Variants in FBXO38 observed in about 807,000 individuals in gnomAD.
The protein encoded by FBXO38 is F-box protein 38.
In FBXO38, 53 loss-of-function variants were observed where a neutral mutation model predicts 131.9. The observed-to-expected ratio is 0.40, with a 90% CI of 0.32 to 0.51. FBXO38 has a LOEUF of 0.51. Ranked by LOEUF, FBXO38 falls within the 20% of genes least tolerant of loss-of-function variation. The pLI is 0.53. For synonymous variants in FBXO38, 452 were observed against 505.6 expected, an observed-to-expected ratio of 0.89 and a Z score of 1.42; for missense variants, 1,076 against 1,475.6, an observed-to-expected ratio of 0.73 and a Z score of 4.44.
intron 12 of FBXO38, among the ~76,000 whole-genome samples, chr5:148,418,295 T>C (rs1213117534): frequency 6.6e-6 from 1 of 152,230 alleles, no homozygotes; most frequent in Non-Finnish European, 1.5e-5. Flanking sequence ...CCTTTGCTTG[T>C]AGCACCTCCT....
In FBXO38 at chr5:148,401,996, A is replaced by G. The variant is rs751275726; in HGVS notation, c.277A>G (p.Ser93Gly). ...GAACTTCTCAGGCTTTACAGATGCC[A>G]GTTTTCTAACACTATTAAAGAAGAT... is the stretch of plus-strand genomic sequence containing the variant. The part of the protein sequence containing the change: ...EYMPSGFTDA[S>G]FLTLLKKMPD... Residue 93 changes from serine to glycine, a missense_variant, in exon 4 of 22, where the codon AGT (serine) becomes GGT (glycine). Ser to Gly is a moderately conservative substitution (Grantham distance 56). This residue lies in a region of FBXO38 where 96 missense variants were observed against 193.9 expected (regional missense o/e 0.50). Coordinates refer to ENST00000340253, the MANE Select transcript of FBXO38 (RefSeq NM_205836.3). 5.6e-6 allele frequency: 9 copies of G among 1,609,254 alleles called. No homozygotes were observed. The South Asian group carries it at 9.9e-5, about 18-fold the overall frequency.
chr5:148,385,001 C>G (rs1757836930), intron 1 of FBXO38: 1 of 152,188 alleles, frequency 6.6e-6, no homozygotes, highest in Admixed American at 6.5e-5. Context: ...GATTAGGTCA[C>G]TGGTTTTTAA....
intron 20 of FBXO38, 107 bp downstream of exon 20, chr5:148,440,634 G>A (rs1350891225): frequency 1.6e-6 from 1 of 640,532 alleles, no homozygotes. Flanking sequence ...GAGCCCAAGA[G>A]TTCAAGACCG....
intron 12 of FBXO38, among the ~76,000 whole-genome samples, chr5:148,419,007 T>C (rs1385025955): frequency 1.3e-5 from 2 of 152,160 alleles, no homozygotes; most frequent in Non-Finnish European, 2.9e-5. Context: ...ACACAAGACA[T>C]AGGATAAGCT....
chr5:148,401,468 G>T (rs1156857494), intron 3 of FBXO38, among the ~76,000 whole-genome samples: 1 of 152,172 alleles, frequency 6.6e-6, no homozygotes, highest in Non-Finnish European at 1.5e-5. Flanking sequence ...GAGTATCAGA[G>T]TAATTATTAG....
In FBXO38 at chr5:148,404,827, T is replaced by C. The variant is rs758427115; in HGVS notation, c.730+5T>C. 2 of 1,590,868 alleles carry C rather than the reference T, an allele frequency of 1.3e-6. No individual in the cohort carries two copies. Among genetic ancestry groups the C allele is most frequent in the South Asian group, 1.2e-5 (1 of 84,736 alleles). ...TCGTCATGAGGAACTGTGCAGGTAATGGTACACAATTATGGTGGAATTAAA... is the reference window on the plus strand; with the variant it reads ...TCGTCATGAGGAACTGTGCAGGTAACGGTACACAATTATGGTGGAATTAAA... On this transcript the variant is annotated splice_donor_5th_base_variant and intron_variant, in intron 6 of 21. Coordinates refer to ENST00000340253, the MANE Select transcript of FBXO38 (RefSeq NM_205836.3).
Position 148,408,875 on chromosome 5 carries a change from T to C in FBXO38, c.869-249T>C, listed in dbSNP as rs4349707. ...CTTTCTAAAAATCCTTACTTAACAA[T>C]GTAAATCTTTTAGAGTAGTTTTCAG... On this transcript the variant is annotated intron_variant, in intron 7 of 21. Transcript: ENST00000340253. Among the ~76,000 whole-genome samples the C allele has an allele frequency of 0.25, 38,078 of 152,082 alleles. 4,815 individuals carry two copies. Among genetic ancestry groups the C allele is most frequent in the South Asian group, 0.28 (1,357 of 4,820 alleles).
chr5:148,393,188 GGTGTGTGTGTGTGTGTGTGTGT>G (rs60593654), intron 1 of FBXO38, among the ~76,000 whole-genome samples: 2 of 127,082 alleles, frequency 1.6e-5, no homozygotes, highest in Admixed American at 8.0e-5. Flanking sequence ...ACAGAAGAGG[GGTGTGTGTGTGTGTGTGTGTGT>G]GTGTGTGTGT....
chr5:148,435,573 C>T (rs959623253), intron 17 of FBXO38, among the ~76,000 whole-genome samples: 7 of 152,166 alleles, frequency 4.6e-5, no homozygotes, highest in African/African-American at 1.7e-4. Context: ...AGATCAAGAC[C>T]ATCCTCGCTA....
chr5:148,386,597 C>T (rs1272105809), intron 1 of FBXO38, among the ~76,000 whole-genome samples: 1 of 152,100 alleles, frequency 6.6e-6, no homozygotes, highest in East Asian at 1.9e-4. Context: ...TTCTGGGATT[C>T]TGTAATTCTG....
At chr5:148,438,570 T>G in intron 18 of FBXO38, 72 bp downstream of exon 18, 1 of 1,516,904 alleles carries the variant, frequency 6.6e-7, no homozygotes, top group Non-Finnish European at 8.9e-7. Flanking sequence ...TTGTTAGTCT[T>G]TAGCCTTTTG....
In FBXO38 at chr5:148,394,867, A is replaced by C. The variant is rs112086763; in HGVS notation, c.91A>C (p.Asn31His). Reference protein sequence around the residue: ...MTADETKDYMNQLSHEVLCHI... With the variant: ...MTADETKDYMHQLSHEVLCHI... ...AGCAGATGAAACAAAGGACTATATG[A>C]ATCAACTTTCACATGAAGTACTTTG... is the stretch of plus-strand genomic sequence containing the variant. The change falls in exon 2 of 22, where the codon AAT becomes CAT. Residue 31 changes from asparagine to histidine, a missense_variant. By Grantham distance (68) the Asn-to-His change is moderately conservative. Around this residue, in one of 8 missense-constraint regions of FBXO38, gnomAD observed 58 missense variants for 53.1 expected, o/e 1.09. Transcript: ENST00000340253. The C allele has an allele frequency of 5.9e-5, 94 of 1,598,408 alleles. No homozygotes were observed. The highest frequency in any genetic ancestry group is 7.9e-5 in the Non-Finnish European group (93 of 1,173,062).
rs1055732660 is a variant in FBXO38 at position 148,433,767 on chromosome 5, G to C, written c.2857+30G>C. On this transcript the variant is annotated intron_variant, in intron 17 of 21. Transcript: ENST00000340253. ...GTATTTGGGCCCATATTATACAAGAGTATCATGAATGAGTTAAAAGAATTA... is the reference window on the plus strand; with the variant it reads ...GTATTTGGGCCCATATTATACAAGACTATCATGAATGAGTTAAAAGAATTA... The C allele has an allele frequency of 1.1e-5, 14 of 1,256,806 alleles. No homozygotes were observed. In the African/African-American group the frequency reaches 1.4e-4, roughly 12 times the overall value. 77.9% of individuals were successfully genotyped at this position (1,256,806 alleles called of 1,614,324 possible). A position where few individuals can be genotyped will look rare whatever the true frequency, so the allele number is the denominator to read the frequency against.
chr5:148,440,692 G>A (rs1186885277), intron 20 of FBXO38, among the ~76,000 whole-genome samples, 165 bp downstream of exon 20: 2 of 152,172 alleles, frequency 1.3e-5, no homozygotes. Context: ...ATGAATGAAT[G>A]ATCCATCAAT....
rs990756639 is a variant in FBXO38 at position 148,437,427 on chromosome 5, C to T, written c.2858-905C>T. Among the ~76,000 whole-genome samples the T allele has an allele frequency of 7.9e-5, 12 of 152,248 alleles. No homozygotes were observed. The East Asian group carries it at 1.5e-3, about 20-fold the overall frequency. ...AAAAGGAGAAAATGAACGTGAGAGGCGGGAGTCTCTCTCAGTGTTTAAATG... is the reference window on the plus strand; with the variant it reads ...AAAAGGAGAAAATGAACGTGAGAGGTGGGAGTCTCTCTCAGTGTTTAAATG... On this transcript the variant is annotated intron_variant, in intron 17 of 21. Transcript: ENST00000340253.
At chr5:148,390,909 A>T (rs181157900) in intron 1 of FBXO38, among the ~76,000 whole-genome samples, 13 of 148,066 alleles carry the variant, frequency 8.8e-5, no homozygotes, top group South Asian at 4.2e-4. Context: ...AGAAGGGATT[A>T]AAAAAAAGCT....
rs1186228289 is a variant in FBXO38, at chr5:148,439,272, A to G, written c.3025-375A>G. Reference sequence around the variant, plus strand: ...ATGCATTCTCTCTTAAAGACTGGGCAGCAGTCTCATTTGAATAGGGTATAT... The same window carrying G: ...ATGCATTCTCTCTTAAAGACTGGGCGGCAGTCTCATTTGAATAGGGTATAT... On this transcript the variant is annotated intron_variant, in intron 18 of 21. Coordinates refer to ENST00000340253, the MANE Select transcript of FBXO38 (RefSeq NM_205836.3). Among the ~76,000 whole-genome samples the G allele has an allele frequency of 5.3e-5, 8 of 152,228 alleles. No homozygotes were observed. The East Asian group carries it at 1.5e-3, about 29-fold the overall frequency.
rs11393577 is a variant in FBXO38 at position 148,430,149 on chromosome 5, A to ATT, written c.2653+2203_2653+2204dup. The stretch of plus-strand genomic sequence containing the variant: ...CTTACAAATTATAATTATAATTATT[A>ATT]TTATTATTATTTTTTTTTTTTTTGA... On this transcript the variant is annotated intron_variant, in intron 15 of 21. Transcript: ENST00000340253. 2.6e-3 allele frequency: 334 copies of ATT among 129,416 alleles called. 4 individuals are homozygous for ATT. Among genetic ancestry groups the ATT allele is most frequent in the African/African-American group, 0.01 (297 of 29,180 alleles). The allele number at this position is 129,416 out of a possible 1,614,324, so 8.0% of individuals were successfully genotyped here.
rs369463389 is a variant in FBXO38 at position 148,424,125 on chromosome 5, T to C, written c.1738+8T>C. On this transcript the variant is annotated splice_region_variant and intron_variant, in intron 13 of 21. Transcript: ENST00000340253. Reference sequence around the variant, plus strand: ...TTGATGAGGAACAAGCAGGTAATCATGTGATCCATCCCACATTCATCATTC... The same window carrying C: ...TTGATGAGGAACAAGCAGGTAATCACGTGATCCATCCCACATTCATCATTC... The C allele has an allele frequency of 4.3e-6, 7 of 1,610,060 alleles. No individual in the cohort carries two copies. The African/African-American group carries it at 8.0e-5, about 18-fold the overall frequency.
Sources: gnomAD v4.1 joint callset for allele counts (sites outside exome capture counted in the v4.1 genomes callset) on GRCh38, gnomAD v4.1.1 for gene constraint, gnomAD v4.1.1 regional missense constraint, MANE v1.5 for transcripts, NCBI Gene and HGNC (gene_info 2026-07-23, HGNC 2026-07-21) for gene names.